The following FRMPD4 variants were observed in gnomAD, a reference collection of about 807,000 sequenced individuals.
FRMPD4 encodes FERM and PDZ domain-containing protein 4.
Under a neutral mutation model 94.1 loss-of-function variants are expected in FRMPD4, and 22 were observed. The observed-to-expected ratio is 0.23, with a 90% confidence interval of 0.17 to 0.33. The LOEUF (loss-of-function observed/expected upper bound fraction) is 0.33. Ranked by LOEUF, FRMPD4 falls within the 10% of genes least tolerant of loss-of-function variation. FRMPD4 has a pLI of 1.00. For synonymous variants in FRMPD4, 631 were observed against 548.6 expected, an observed-to-expected ratio of 1.15 and a Z score of -2.10; for missense variants, 1,111 against 1,339.9, an observed-to-expected ratio of 0.83 and a Z score of 2.67.
At chrX:12,312,874 A>G (rs2055057354) in intron 1 of FRMPD4, among the ~76,000 whole-genome samples, 1 of 111,336 alleles carries the variant, frequency 9.0e-6, no homozygotes, top group African/African-American at 3.3e-5. Context: ...ATTGGGGTCA[A>G]GAAACCATCA....
chrX:12,112,696 A>T (rs1008620439), intron 3 of FRMPD4, among the ~76,000 whole-genome samples: 1 of 111,935 alleles, frequency 8.9e-6, no homozygotes, highest in Non-Finnish European at 1.9e-5. Flanking sequence ...TTTAATTTTG[A>T]ATTTTTTGAT....
intron 1 of FRMPD4, among the ~76,000 whole-genome samples, chrX:12,415,458 T>C (rs1435112150): frequency 8.9e-6 from 1 of 111,844 alleles, no homozygotes; most frequent in East Asian, 2.8e-4. Flanking sequence ...ATTGATATAT[T>C]TGAAAAAATA....
intron 2 of FRMPD4, among the ~76,000 whole-genome samples, chrX:12,560,738 T>A (rs2148345451): frequency 1.3e-5 from 1 of 76,541 alleles, no homozygotes; most frequent in Non-Finnish European, 2.4e-5. Flanking sequence ...GCACCTCCCC[T>A]CATCTTTTTT....
chrX:11,905,708 C>T (rs2053963548), intron 3 of FRMPD4, among the ~76,000 whole-genome samples: 1 of 110,867 alleles, frequency 9.0e-6, no homozygotes, highest in Non-Finnish European at 1.9e-5. Flanking sequence ...TGCTCCTAAC[C>T]CCAAAGGATC....
At chrX:12,423,155 G>A (rs990076912) in intron 1 of FRMPD4, among the ~76,000 whole-genome samples, 15 of 110,569 alleles carry the variant, frequency 1.4e-4, no homozygotes, top group African/African-American at 4.6e-4. Flanking sequence ...TAAAAATTCC[G>A]GCTCCTGAAG....
chrX:12,376,801 T>C (rs1366165180), intron 1 of FRMPD4, among the ~76,000 whole-genome samples: 1 of 112,926 alleles, frequency 8.9e-6, no homozygotes, highest in Non-Finnish European at 1.9e-5. Context: ...TGAGTTTGGT[T>C]AGTGTAACTT....
At chrX:12,450,899 A>G (rs2057261029) in intron 1 of FRMPD4, among the ~76,000 whole-genome samples, 1 of 106,175 alleles carries the variant, frequency 9.4e-6, no homozygotes, top group African/African-American at 3.4e-5. Context: ...AGAGAAACAG[A>G]CTGAGAGACA....
At chrX:12,492,010 A>G (rs926875668) in intron 1 of FRMPD4, among the ~76,000 whole-genome samples, 8 of 112,323 alleles carry the variant, frequency 7.1e-5, no homozygotes, top group African/African-American at 2.6e-4. Context: ...TCTCCTCAAC[A>G]ATATCATGCT....
intron 16 of FRMPD4, among the ~76,000 whole-genome samples, chrX:12,720,043 AG>A (rs745699205): frequency 0.11 from 4,178 of 36,734 alleles, 110 homozygotes; most frequent in Middle Eastern, 0.19. Flanking sequence ...AGGAAAGGAA[AG>A]GAAAGGAAAG....
intron 1 of FRMPD4, among the ~76,000 whole-genome samples, chrX:12,446,200 A>G (rs752772698): frequency 1.8e-5 from 2 of 112,481 alleles, no homozygotes; most frequent in African/African-American, 3.2e-5. Context: ...AATACATTTC[A>G]GGACATACAT....
At chrX:12,435,216 T>C (rs111678389) in intron 1 of FRMPD4, among the ~76,000 whole-genome samples, 2,197 of 111,867 alleles carry the variant, frequency 0.02, 64 homozygotes, top group African/African-American at 0.067. Context: ...GGTTAAAATG[T>C]GGCATTTAGA....
At chrX:12,098,153 A>ATT (rs2055222293) in intron 3 of FRMPD4, among the ~76,000 whole-genome samples, 1 of 111,770 alleles carries the variant, frequency 8.9e-6, no homozygotes, top group South Asian at 3.7e-4. Context: ...GTTACCTTTC[A>ATT]TTATATATTT....
chrX:11,931,644 A>C (rs937164365), intron 3 of FRMPD4, among the ~76,000 whole-genome samples: 4 of 112,619 alleles, frequency 3.6e-5, no homozygotes, highest in Non-Finnish European at 7.5e-5. Context: ...ACTCTACTGC[A>C]TTCTGTTGGT....
At chrX:12,019,196 G>T (rs769663092) in intron 3 of FRMPD4, among the ~76,000 whole-genome samples, 2 of 107,753 alleles carry the variant, frequency 1.9e-5, no homozygotes, top group Non-Finnish European at 3.8e-5. Flanking sequence ...TAACAGAATG[G>T]CAGATAATGA....
chrX:12,680,030 G>A (rs2059951556), intron 5 of FRMPD4, among the ~76,000 whole-genome samples: 1 of 111,850 alleles, frequency 8.9e-6, no homozygotes, highest in Admixed American at 9.5e-5. Flanking sequence ...TGCTATATAA[G>A]TAATACTGTA....
At chrX:11,920,036 C>T (rs1361536507) in intron 3 of FRMPD4, among the ~76,000 whole-genome samples, 1 of 111,835 alleles carries the variant, frequency 8.9e-6, no homozygotes, top group Non-Finnish European at 1.9e-5. Context: ...AAACATTAGG[C>T]AAACACATCA....
chrX:12,091,123 C>T (rs747283790), intron 3 of FRMPD4, among the ~76,000 whole-genome samples: 24 of 112,200 alleles, frequency 2.1e-4, no homozygotes, highest in Admixed American at 1.0e-3. Flanking sequence ...TGTCTTTATT[C>T]GTTTAATCCT....
At chrX:12,544,091 T>A (rs1339522255) in intron 2 of FRMPD4, among the ~76,000 whole-genome samples, 1 of 47,945 alleles carries the variant, frequency 2.1e-5, no homozygotes, top group Non-Finnish European at 3.8e-5. Context: ...TGTTGTGGGG[T>A]AGGGGGAGGG....
In FRMPD4 at chrX:12,332,205, TATAGAG is replaced by T. The variant is rs1460897633; in HGVS notation, c.42-166473_42-166468del. Reference sequence around the variant, plus strand: ...AATTTATATTTTATATATATATATATATAGAGAGAGAGAGAGAGAGAGAGAGAGAGA... The same window carrying T: ...AATTTATATTTTATATATATATATATAGAGAGAGAGAGAGAGAGAGAGAGA... On this transcript the variant is annotated intron_variant, in intron 1 of 16. Transcript: ENST00000675598. Among the ~76,000 whole-genome samples, 45 of 65,972 alleles carry T rather than the reference TATAGAG, an allele frequency of 6.8e-4. 1 individual carries two copies. Among genetic ancestry groups the T allele is most frequent in the Middle Eastern group, 0.015 (2 of 137 alleles). The allele number at this position is 65,972 out of a possible 115,157, so 57.3% of individuals were successfully genotyped here.
Sources: gnomAD v4.1 joint callset for allele counts (sites outside exome capture counted in the v4.1 genomes callset) on GRCh38, gnomAD v4.1.1 for gene constraint, MANE v1.5 for transcripts, NCBI Gene and HGNC (gene_info 2026-07-23, HGNC 2026-07-21) for gene names.